The following ZMYM2 variants were observed in gnomAD, a reference collection of about 807,000 sequenced individuals.
ZMYM2 encodes the protein zinc finger MYM-type containing 2, also known as zinc finger MYM-type protein 2.
ZMYM2 carries 56 observed loss-of-function variants against 162.8 expected under a neutral mutation model. The ratio of observed to expected loss-of-function variants is 0.34; its 90% CI spans 0.28 to 0.43. ZMYM2 has a LOEUF of 0.43. ZMYM2 is among the 20% of genes least tolerant of loss of function. The pLI is 1.00. For missense variants in ZMYM2, 1,275 were observed against 1,621.8 expected (o/e 0.79, Z 3.67); for synonymous variants, 510 against 541.6 (o/e 0.94, Z 0.81).
the ZMYM2 span, among the ~76,000 whole-genome samples, chr13:19,918,824 A>G: frequency 3.9e-3 from 594 of 152,268 alleles, 10 homozygotes; most frequent in South Asian, 0.03. Context: ...TCAAATAGTC[A>G]TAGAACTAAA....
the ZMYM2 span, among the ~76,000 whole-genome samples, chr13:19,881,935 T>C: frequency 1.4e-5 from 2 of 145,132 alleles, no homozygotes; most frequent in African/African-American, 5.1e-5. Flanking sequence ...TGAGCCAAGA[T>C]TGCACCACTG....
At chr13:19,967,029 G>T (rs572906927) in intron 2 of ZMYM2, among the ~76,000 whole-genome samples, 2 of 152,016 alleles carry the variant, frequency 1.3e-5, no homozygotes, top group Non-Finnish European at 2.9e-5. Flanking sequence ...ACAGACTCCT[G>T]ACTTCTGTTA....
chr13:19,995,449 C>T (rs941550145), intron 3 of ZMYM2, among the ~76,000 whole-genome samples: 3 of 151,890 alleles, frequency 2.0e-5, no homozygotes, highest in Non-Finnish European at 4.4e-5. Flanking sequence ...CTTGCTGTAT[C>T]GCCCAGGCTG....
At chr13:19,999,454 A>T (rs2139847011) in intron 3 of ZMYM2, among the ~76,000 whole-genome samples, 1 of 152,256 alleles carries the variant, frequency 6.6e-6, no homozygotes, top group South Asian at 2.1e-4. Context: ...TTTGGATGCC[A>T]CAAACCATAC....
chr13:20,080,352 G>A (rs1268086951), intron 21 of ZMYM2, among the ~76,000 whole-genome samples: 2 of 152,110 alleles, frequency 1.3e-5, no homozygotes, highest in Non-Finnish European at 2.9e-5. Flanking sequence ...GCATTCTTAT[G>A]TTTTGATTAG....
chr13:19,943,792 CAA>C, the ZMYM2 span, among the ~76,000 whole-genome samples: 1 of 152,124 alleles, frequency 6.6e-6, no homozygotes, highest in African/African-American at 2.4e-5. Flanking sequence ...TATATGTGCC[CAA>C]GTGTGAAATT....
At chr13:19,938,846 TC>T in the ZMYM2 span, among the ~76,000 whole-genome samples, 1 of 152,072 alleles carries the variant, frequency 6.6e-6, no homozygotes, top group African/African-American at 2.4e-5. Flanking sequence ...ATCAATTTTT[TC>T]ATATTGTTTT....
chr13:19,942,812 T>C, the ZMYM2 span, among the ~76,000 whole-genome samples: 1 of 152,192 alleles, frequency 6.6e-6, no homozygotes, highest in African/African-American at 2.4e-5. Flanking sequence ...ACCCCCCTTT[T>C]CAGTTTTATG....
At chr13:19,911,742 T>C in the ZMYM2 span, among the ~76,000 whole-genome samples, 1 of 152,304 alleles carries the variant, frequency 6.6e-6, no homozygotes, top group Admixed American at 6.5e-5. Context: ...ATATTTGCAA[T>C]AGACATACTC....
intron 4 of ZMYM2, 70 bp from the exon 5 acceptor site, chr13:20,005,004 A>G (rs1452172344): frequency 3.8e-6 from 5 of 1,308,632 alleles, no homozygotes; most frequent in Non-Finnish European, 4.2e-6. Context: ...GAAATGAAAA[A>G]TGTCACTTAT....
Position 20,051,590 on chromosome 13 carries a change from T to TA in ZMYM2, c.2451dup (p.His818ThrfsTer3). On this transcript the variant is annotated frameshift_variant, in exon 13 of 25. Coordinates refer to ENST00000610343, the MANE Select transcript of ZMYM2 (RefSeq NM_197968.4). LOFTEE classifies it high-confidence loss of function. Reference sequence around the variant, plus strand: ...ACAACTCAGAAAGGACCTGAAAACTTACATTATGGTATGTAATGATTTAGG... The same window carrying TA: ...ACAACTCAGAAAGGACCTGAAAACTTAACATTATGGTATGTAATGATTTAGG... 1 of 1,611,384 alleles carries TA rather than the reference T, an allele frequency of 6.2e-7. No homozygotes were observed. The highest frequency in any genetic ancestry group is 8.5e-7 in the Non-Finnish European group (1 of 1,178,796).
At chr13:20,059,250 T>C (rs543848377) in intron 15 of ZMYM2, among the ~76,000 whole-genome samples, 197 bp from the exon 16 acceptor site, 115 of 152,128 alleles carry the variant, frequency 7.6e-4, no homozygotes, top group African/African-American at 2.7e-3. Context: ...TCTATTTGTA[T>C]TTTCTGTAAG....
rs1363716013 is a variant in ZMYM2 at position 20,037,992 on chromosome 13, A to T, written c.2292+1083A>T. On this transcript the variant is annotated intron_variant, in intron 12 of 24. Coordinates refer to ENST00000610343, the MANE Select transcript of ZMYM2 (RefSeq NM_197968.4). Reference sequence around the variant, plus strand: ...GCCCCAGTGTCTGTTGTTCCCCTGTATGTGTTTGTGTTCTCATCATTTAGC... The same window carrying T: ...GCCCCAGTGTCTGTTGTTCCCCTGTTTGTGTTTGTGTTCTCATCATTTAGC... Among the ~76,000 whole-genome samples, 5 of 151,904 alleles carry T rather than the reference A, an allele frequency of 3.3e-5. No homozygotes were observed. In the East Asian group the frequency reaches 9.7e-4, roughly 29 times the overall value.
upstream of ZMYM2, chr13:19,958,617 G>T (rs1194251513): frequency 6.6e-6 from 1 of 152,186 alleles, no homozygotes; most frequent in Non-Finnish European, 1.5e-5. Context: ...ACGGCCGTCG[G>T]AGCCAATGGG....
Position 20,058,643 on chromosome 13 carries a change from T to G in ZMYM2, c.2562T>G (p.Pro854=). The change falls in exon 15 of 25, where the codon CCT becomes CCG. Residue 854 remains proline, a synonymous_variant. Coordinates refer to ENST00000610343, the MANE Select transcript of ZMYM2 (RefSeq NM_197968.4). Reference sequence around the variant, plus strand: ...AGAACAAAGCAGTTCTTTGCAAACCTTTAACAATGACAAAAGCTACTTACT... The same window carrying G: ...AGAACAAAGCAGTTCTTTGCAAACCGTTAACAATGACAAAAGCTACTTACT... ...EMKNKAVLCK[P]LTMTKATYCK... is the part of the protein sequence containing the mutation. The G allele has an allele frequency of 1.2e-6, 2 of 1,613,814 alleles. No individual in the cohort carries two copies. The highest frequency in any genetic ancestry group is 1.1e-5 in the South Asian group (1 of 91,080).
At chr13:19,961,479 C>G (rs371002941) in intron 2 of ZMYM2, among the ~76,000 whole-genome samples, 2 of 152,296 alleles carry the variant, frequency 1.3e-5, no homozygotes. Context: ...GGCATCAGAT[C>G]ATTCAATAAT....
the ZMYM2 span, among the ~76,000 whole-genome samples, chr13:19,931,002 G>A: frequency 9.2e-5 from 14 of 151,448 alleles, no homozygotes; most frequent in Admixed American, 5.3e-4. Flanking sequence ...AGCCAGGCGC[G>A]GTGGCGGGCG....
chr13:19,929,229 A>AT, the ZMYM2 span, among the ~76,000 whole-genome samples: 3 of 148,638 alleles, frequency 2.0e-5, no homozygotes, highest in Non-Finnish European at 3.0e-5. Context: ...AACATTATGT[A>AT]TTTTTTTCTC....
chr13:20,030,853 G>A (rs1387364287), intron 9 of ZMYM2, among the ~76,000 whole-genome samples: 1 of 152,124 alleles, frequency 6.6e-6, no homozygotes, highest in East Asian at 1.9e-4. Flanking sequence ...CTATTTCACT[G>A]GTAGACTTGG....
Sources: allele counts gnomAD v4.1 joint callset (sites outside exome capture counted in the v4.1 genomes callset), GRCh38; gene constraint gnomAD v4.1.1; transcripts MANE v1.5; gene names NCBI Gene and HGNC (gene_info 2026-07-23, HGNC 2026-07-21).